ADARB2: variants seen among roughly 807,000 people sequenced by gnomAD.
The protein encoded by ADARB2 is adenosine deaminase RNA specific B2 (inactive).
Under a neutral mutation model 62.2 loss-of-function variants are expected in ADARB2, and 25 were observed. That is an observed-to-expected ratio of 0.40 (90% confidence interval 0.29 to 0.56). ADARB2 has a LOEUF of 0.56. ADARB2 is among the 20% of genes least tolerant of loss of function. ADARB2 has a pLI of 0.43. For synonymous variants in ADARB2, 572 were observed against 500.8 expected (o/e 1.14, Z -1.90); for missense variants, 1,071 against 1,077.4 (o/e 0.99, Z 0.08).
At chr10:1,653,835 C>T (rs1339022812) in intron 1 of ADARB2, among the ~76,000 whole-genome samples, 2 of 152,150 alleles carry the variant, frequency 1.3e-5, no homozygotes, top group Non-Finnish European at 2.9e-5. Flanking sequence ...GTTAACCCTC[C>T]CTAGCAGGGT....
intron 1 of ADARB2, among the ~76,000 whole-genome samples, chr10:1,423,820 A>G (rs113818135): frequency 1.4e-5 from 2 of 141,936 alleles, no homozygotes; most frequent in African/African-American, 5.2e-5. Context: ...CACTATGTAT[A>G]CAGTAAATCC....
chr10:1,666,501 A>AT lies in ADARB2; in HGVS notation c.100+70549dup, dbSNP rs528382776. ...GTTCCCGCAGGAAAGCTGCCCGAGGATTTTTGTCATGCACACGCCGCTGCC... is the reference window on the plus strand; with the variant it reads ...GTTCCCGCAGGAAAGCTGCCCGAGGATTTTTTGTCATGCACACGCCGCTGCC... On this transcript the variant is annotated intron_variant, in intron 1 of 9. Coordinates refer to ENST00000381312, the MANE Select transcript of ADARB2 (RefSeq NM_018702.4). 2.3e-4 allele frequency among the ~76,000 whole-genome samples: 35 copies of AT among 152,222 alleles called. 1 individual carries two copies. The South Asian group carries it at 7.1e-3, about 31-fold the overall frequency.
chr10:1,704,626 G>A lies in ADARB2; in HGVS notation c.100+32425C>T, dbSNP rs1030332422. On this transcript the variant is annotated intron_variant, in intron 1 of 9. Coordinates refer to ENST00000381312, the MANE Select transcript of ADARB2 (RefSeq NM_018702.4). This position sits in a 1 kb window ranked among gnomAD's most constrained non-coding sequence, Gnocchi z 5.6. ...CTGGACCAGTACCAGTCCTTGGCCCGGGGGCTGGAGACGTCTGAGTTAAAG... is the reference window on the plus strand; with the variant it reads ...CTGGACCAGTACCAGTCCTTGGCCCAGGGGCTGGAGACGTCTGAGTTAAAG... Among the ~76,000 whole-genome samples, 14 of 152,282 alleles carry A rather than the reference G, an allele frequency of 9.2e-5. No individual in the cohort carries two copies. The highest frequency in any genetic ancestry group is 3.4e-3 in the Middle Eastern group (1 of 294).
rs374555144 is a variant in ADARB2 at position 1,232,031 on chromosome 10, G to A, written c.1513+1663C>T. Among the ~76,000 whole-genome samples, 312 of 152,274 alleles carry A rather than the reference G, an allele frequency of 2.0e-3. 1 individual carries two copies. Among genetic ancestry groups the A allele is most frequent in the African/African-American group, 7.1e-3 (296 of 41,552 alleles). On this transcript the variant is annotated intron_variant, in intron 6 of 9. Transcript: ENST00000381312. The stretch of plus-strand genomic sequence containing the variant: ...TTAAACCACCATGTAGCCTTCCACC[G>A]GAGGAGAGTCAGGCCAAAGCCAAGC...
At chr10:1,663,058 A>C (rs1180005006) in intron 1 of ADARB2, among the ~76,000 whole-genome samples, 1 of 152,244 alleles carries the variant, frequency 6.6e-6, no homozygotes, top group Non-Finnish European at 1.5e-5. Context: ...GTTCAATTGA[A>C]TTATTTGGTA....
chr10:1,232,688 GTA>G (rs1830819777), intron 6 of ADARB2, among the ~76,000 whole-genome samples: 1 of 150,660 alleles, frequency 6.6e-6, no homozygotes, highest in Non-Finnish European at 1.5e-5. Flanking sequence ...GACGTGTGTG[GTA>G]TATGTGGTGT....
At chr10:1,335,696 T>C (rs1831967691) in intron 3 of ADARB2, among the ~76,000 whole-genome samples, 1 of 152,232 alleles carries the variant, frequency 6.6e-6, no homozygotes, top group African/African-American at 2.4e-5. Context: ...TTGACATGTC[T>C]TAAATAAGGA....
rs556025582 is a variant in ADARB2, at chr10:1,356,114, G to A, written c.1077+6914C>T. Among the ~76,000 whole-genome samples, 25 of 152,082 alleles carry A rather than the reference G, an allele frequency of 1.6e-4. No individual in the cohort carries two copies. The South Asian group carries it at 1.7e-3, about 10-fold the overall frequency. On this transcript the variant is annotated intron_variant, in intron 3 of 9. Coordinates refer to ENST00000381312, the MANE Select transcript of ADARB2 (RefSeq NM_018702.4). Reference sequence around the variant, plus strand: ...GTGACCTCTCGCTCTTTTTCTGGCCGTCAGCACCTCTTTCACAGACCCAGG... The same window carrying A: ...GTGACCTCTCGCTCTTTTTCTGGCCATCAGCACCTCTTTCACAGACCCAGG...
At chr10:1,286,503 C>T (rs1831415528) in intron 3 of ADARB2, among the ~76,000 whole-genome samples, 1 of 152,096 alleles carries the variant, frequency 6.6e-6, no homozygotes, top group Non-Finnish European at 1.5e-5. Context: ...TCTCAAATTA[C>T]CTAAAGGCGG....
intron 7 of ADARB2, chr10:1,215,837 T>C (rs570515848): frequency 4.1e-4 from 62 of 152,380 alleles, no homozygotes; most frequent in African/African-American, 1.4e-3. Flanking sequence ...ATGTCCTGCA[T>C]TGGGGATGGC....
At chr10:1,333,262 C>A (rs761671977) in intron 3 of ADARB2, among the ~76,000 whole-genome samples, 8 of 152,198 alleles carry the variant, frequency 5.3e-5, no homozygotes, top group Non-Finnish European at 8.8e-5. Context: ...TCTTTAGGCA[C>A]CTAGTGATGC....
chr10:1,349,408 C>T (rs965422470), intron 3 of ADARB2, among the ~76,000 whole-genome samples: 3 of 152,190 alleles, frequency 2.0e-5, no homozygotes, highest in Non-Finnish European at 4.4e-5. Context: ...TCCTTTCACA[C>T]GAACGTGCAT....
chr10:1,591,655 G>GCA (rs113613762), intron 1 of ADARB2, among the ~76,000 whole-genome samples: 23,153 of 86,860 alleles, frequency 0.27, 1,881 homozygotes, highest in Middle Eastern at 0.3. Flanking sequence ...ACAGAGGCGT[G>GCA]CACGCACACA....
chr10:1,272,907 G>A (rs1831276584), intron 3 of ADARB2, among the ~76,000 whole-genome samples: 1 of 152,230 alleles, frequency 6.6e-6, no homozygotes, highest in Non-Finnish European at 1.5e-5. Context: ...TCCAGGGGCG[G>A]TGCTGCCTCC....
At chr10:1,205,856 G>T (rs12774615) in intron 7 of ADARB2, among the ~76,000 whole-genome samples, 8 of 152,292 alleles carry the variant, frequency 5.3e-5, no homozygotes, top group African/African-American at 1.9e-4. Context: ...ACATCTGGGG[G>T]CATGGGGCAG....
chr10:1,647,412 C>T (rs1834057007), intron 1 of ADARB2, among the ~76,000 whole-genome samples: 1 of 151,894 alleles, frequency 6.6e-6, no homozygotes. Flanking sequence ...CATGTGTGTG[C>T]ATATATGTGT....
chr10:1,580,868 C>T (rs912516230), intron 1 of ADARB2, among the ~76,000 whole-genome samples: 1 of 152,358 alleles, frequency 6.6e-6, no homozygotes. Flanking sequence ...CACGTAGCAA[C>T]GTGCACTTAA....
chr10:1,536,324 T>A (rs7903267), intron 1 of ADARB2, among the ~76,000 whole-genome samples: 56,401 of 152,164 alleles, frequency 0.37, 10,900 homozygotes, highest in East Asian at 0.74. Context: ...GCAATCCTAG[T>A]GGGCTGGATC....
chr10:1,510,110 C>CTCTCTCTCTCTTTCTT (rs1554767637), intron 1 of ADARB2, among the ~76,000 whole-genome samples: 2 of 106,184 alleles, frequency 1.9e-5, no homozygotes, highest in Non-Finnish European at 3.8e-5. Context: ...CTTTCTTTCT[C>CTCTCTCTCTCTTTCTT]TCTTTCTTTC....
Sources: allele counts gnomAD v4.1 joint callset (sites outside exome capture counted in the v4.1 genomes callset), GRCh38; gene constraint gnomAD v4.1.1; non-coding constraint Gnocchi (gnomAD v3.1); transcripts MANE v1.5; gene names NCBI Gene and HGNC (gene_info 2026-07-23, HGNC 2026-07-21).